CABCOCO1: variants seen among roughly 807,000 people sequenced by gnomAD.
CABCOCO1 encodes the protein ciliary-associated calcium-binding coiled-coil protein 1.
Under a neutral mutation model 35.7 loss-of-function variants are expected in CABCOCO1, and 28 were observed. That is an observed-to-expected ratio of 0.78 (90% CI 0.58 to 1.07). CABCOCO1 has a LOEUF of 1.07. Ranked by LOEUF, CABCOCO1 falls within the 50% of genes least tolerant of loss-of-function variation. The pLI is 0.00. For synonymous variants in CABCOCO1, 95 were observed against 100.1 expected (o/e 0.95, Z 0.30); for missense variants, 326 against 309.2 (o/e 1.05, Z -0.41).
chr10:61,721,580 A>G (rs71507188), intron 5 of CABCOCO1, among the ~76,000 whole-genome samples: 18,180 of 152,196 alleles, frequency 0.12, 1,432 homozygotes, highest in African/African-American at 0.19. Flanking sequence ...ATCATGGAAG[A>G]GGAGCCACAA....
At chr10:61,747,607 T>G (rs1012017018) in intron 5 of CABCOCO1, among the ~76,000 whole-genome samples, 18 of 152,236 alleles carry the variant, frequency 1.2e-4, no homozygotes, top group African/African-American at 4.3e-4. Flanking sequence ...CTTTTAGCCC[T>G]GGTTTCTTGT....
intron 5 of CABCOCO1, among the ~76,000 whole-genome samples, chr10:61,693,402 A>G (rs1421092146): frequency 6.6e-6 from 1 of 152,112 alleles, no homozygotes; most frequent in Non-Finnish European, 1.5e-5. Context: ...ACAAACATGA[A>G]TGTTTGAAAT....
At chr10:61,701,572 G>T in intron 5 of CABCOCO1, 6 of 905,516 alleles carry the variant, frequency 6.6e-6, no homozygotes, top group Non-Finnish European at 7.9e-6. Context: ...GGCAGGACTT[G>T]GGGGAATGAA....
At chr10:61,682,758 A>G (rs1341295922) in intron 3 of CABCOCO1, among the ~76,000 whole-genome samples, 1 of 152,156 alleles carries the variant, frequency 6.6e-6, no homozygotes, top group Non-Finnish European at 1.5e-5. Context: ...CTCCTTAAGG[A>G]CACACAGGGT....
At chr10:61,675,387 TAGCCCTGTGGTTCAAGTTAAAAGGG>T (rs1839483196) in intron 2 of CABCOCO1, among the ~76,000 whole-genome samples, 1 of 152,152 alleles carries the variant, frequency 6.6e-6, no homozygotes, top group Non-Finnish European at 1.5e-5. Flanking sequence ...GATAAATCCT[TAGCCCTGTGGTTCAAGTTAAAAGGG>T]AAGAGACAAA....
chr10:61,753,423 T>G (rs1841834527), intron 5 of CABCOCO1, among the ~76,000 whole-genome samples: 2 of 152,104 alleles, frequency 1.3e-5, no homozygotes, highest in South Asian at 4.1e-4. Flanking sequence ...CCTGAGGAAG[T>G]TGCAAGGTAA....
chr10:61,704,872 C>T (rs1359031071), intron 5 of CABCOCO1, among the ~76,000 whole-genome samples: 4 of 150,228 alleles, frequency 2.7e-5, no homozygotes, highest in African/African-American at 9.8e-5. Flanking sequence ...CTCTAGCCTC[C>T]TGTTGTTGCT....
At chr10:61,664,320 G>A (rs971218503) in intron 1 of CABCOCO1, among the ~76,000 whole-genome samples, 21 of 152,088 alleles carry the variant, frequency 1.4e-4, no homozygotes, top group Non-Finnish European at 2.5e-4. Flanking sequence ...AATTATCAGT[G>A]TACACATACA....
At chr10:61,678,690 A>T (rs1049206934) in intron 2 of CABCOCO1, among the ~76,000 whole-genome samples, 2 of 152,180 alleles carry the variant, frequency 1.3e-5, no homozygotes, top group African/African-American at 4.8e-5. Flanking sequence ...GGCGGTAGCA[A>T]CTAAAGCCAC....
chr10:61,748,365 C>G (rs1372400512), intron 5 of CABCOCO1, among the ~76,000 whole-genome samples: 2 of 152,146 alleles, frequency 1.3e-5, no homozygotes, highest in Non-Finnish European at 2.9e-5. Context: ...AAGTCCTTAC[C>G]CTCAGAGAGT....
chr10:61,703,885 G>A (rs927883913), intron 5 of CABCOCO1, among the ~76,000 whole-genome samples: 3 of 152,206 alleles, frequency 2.0e-5, no homozygotes, highest in East Asian at 1.9e-4. Flanking sequence ...ACAGAGACCT[G>A]GATAGTCTCC....
chr10:61,708,679 C>T (rs1384335530), intron 5 of CABCOCO1, among the ~76,000 whole-genome samples: 1 of 152,042 alleles, frequency 6.6e-6, no homozygotes, highest in African/African-American at 2.4e-5. Context: ...ACCTAATTGC[C>T]TCTCAAAGGC....
At chr10:61,735,514 C>T (rs1481815730) in intron 5 of CABCOCO1, among the ~76,000 whole-genome samples, 2 of 152,070 alleles carry the variant, frequency 1.3e-5, no homozygotes, top group African/African-American at 4.8e-5. Context: ...TTCTGTTGTC[C>T]TATGGAGGTC....
At position 61,766,070 on chromosome 10, in the gene CABCOCO1, G is replaced by A; in HGVS notation, c.*57G>A. ...TCACAGAAACAAACAAAACCAGCCA[G>A]AATAACAGACTCTCTGGAGCGTCGT... On this transcript the variant is annotated 3_prime_UTR_variant, in exon 8 of 8. Coordinates refer to ENST00000648843, the MANE Select transcript of CABCOCO1 (RefSeq NM_001366906.2). The A allele has an allele frequency of 1.4e-6, 2 of 1,474,608 alleles. No individual in the cohort carries two copies. Among genetic ancestry groups the A allele is most frequent in the South Asian group, 2.3e-5 (2 of 85,760 alleles). The allele number at this position is 1,474,608 out of a possible 1,614,324, so 91.3% of individuals were successfully genotyped here. A position where few individuals can be genotyped will look rare whatever the true frequency, so the allele number is the denominator to read the frequency against.
intron 1 of CABCOCO1, among the ~76,000 whole-genome samples, chr10:61,667,793 C>T (rs967748130): frequency 2.0e-5 from 3 of 151,800 alleles, no homozygotes; most frequent in Non-Finnish European, 4.4e-5. Flanking sequence ...CTTAGGTATG[C>T]AGCCTTGTAA....
At chr10:61,741,331 T>C (rs1412170793) in intron 5 of CABCOCO1, among the ~76,000 whole-genome samples, 1 of 152,078 alleles carries the variant, frequency 6.6e-6, no homozygotes, top group East Asian at 1.9e-4. Context: ...TTCTTGCATT[T>C]TTACAAAAAA....
At chr10:61,733,177 T>A (rs918809014) in intron 5 of CABCOCO1, among the ~76,000 whole-genome samples, 1 of 152,046 alleles carries the variant, frequency 6.6e-6, no homozygotes, top group Non-Finnish European at 1.5e-5. Flanking sequence ...TTGTAATGTC[T>A]TTTGGGTTTG....
intron 5 of CABCOCO1, among the ~76,000 whole-genome samples, chr10:61,729,274 ATTG>A (rs1231795334): frequency 6.6e-6 from 1 of 152,146 alleles, no homozygotes; most frequent in Admixed American, 6.5e-5. Context: ...TTTTCTAGTA[ATTG>A]TTGTTGTGCT....
chr10:61,665,447 G>GA (rs895945056), intron 1 of CABCOCO1, among the ~76,000 whole-genome samples: 2 of 152,024 alleles, frequency 1.3e-5, no homozygotes, highest in African/African-American at 4.8e-5. Flanking sequence ...ATGCATAACA[G>GA]AAAAAATGAC....
Sources: allele counts gnomAD v4.1 joint callset (sites outside exome capture counted in the v4.1 genomes callset), GRCh38; gene constraint gnomAD v4.1.1; transcripts MANE v1.5; gene names NCBI Gene and HGNC (gene_info 2026-07-23, HGNC 2026-07-21).